Variants in RANBP17 observed in about 807,000 individuals in gnomAD.
The protein encoded by RANBP17 is RAN binding protein 17, also known as ran-binding protein 17.
A neutral mutation model predicts 141.2 loss-of-function variants in RANBP17; 158 were observed. The ratio of observed to expected loss-of-function variants is 1.12; its 90% CI spans 0.98 to 1.28. The LOEUF is 1.28. Among genes scored for constraint, RANBP17 ranks in the 50% most tolerant of loss-of-function variants. RANBP17 has a pLI of 0.00. For missense variants in RANBP17, 1,438 were observed against 1,290.7 expected (o/e 1.11, Z -1.75); for synonymous variants, 430 against 450.0 (o/e 0.96, Z 0.56).
chr5:171,216,941 T>A (rs999283843), intron 21 of RANBP17, among the ~76,000 whole-genome samples: 1 of 152,166 alleles, frequency 6.6e-6, no homozygotes, highest in Non-Finnish European at 1.5e-5. Flanking sequence ...GAACTTCCAG[T>A]ACTTCATTGA....
intron 24 of RANBP17, among the ~76,000 whole-genome samples, chr5:171,246,437 C>T (rs1473030885): frequency 2.0e-5 from 3 of 152,186 alleles, no homozygotes; most frequent in South Asian, 4.1e-4. Context: ...TTTTCCTCCT[C>T]TCTGGTTTAA....
intron 14 of RANBP17, among the ~76,000 whole-genome samples, chr5:171,101,582 T>G (rs1406503493): frequency 6.6e-6 from 1 of 152,250 alleles, no homozygotes; most frequent in African/African-American, 2.4e-5. Flanking sequence ...ATTTGGGCAT[T>G]TAACCCATTT....
chr5:171,036,670 G>A (rs1230117912), intron 14 of RANBP17, among the ~76,000 whole-genome samples: 1 of 151,684 alleles, frequency 6.6e-6, no homozygotes, highest in Non-Finnish European at 1.5e-5. Context: ...GCTACCACTT[G>A]CAAGTAATAA....
intron 14 of RANBP17, among the ~76,000 whole-genome samples, chr5:171,137,912 T>C (rs892130364): frequency 8.0e-5 from 12 of 150,050 alleles, no homozygotes; most frequent in African/African-American, 2.7e-4. Context: ...TAAGTAAATA[T>C]ATATCTACTC....
chr5:171,129,320 A>G (rs1756731192), intron 14 of RANBP17, among the ~76,000 whole-genome samples: 1 of 152,150 alleles, frequency 6.6e-6, no homozygotes, highest in Non-Finnish European at 1.5e-5. Context: ...ATTTGTTGCA[A>G]AAATGCAATC....
At chr5:171,130,596 C>T (rs185053769) in intron 14 of RANBP17, among the ~76,000 whole-genome samples, 191 of 151,898 alleles carry the variant, frequency 1.3e-3, no homozygotes, top group African/African-American at 4.4e-3. Context: ...GCCACCATGC[C>T]TGGCTAATTT....
intron 13 of RANBP17, among the ~76,000 whole-genome samples, chr5:170,959,209 T>A (rs1046078404): frequency 2.0e-5 from 3 of 152,184 alleles, no homozygotes; most frequent in Non-Finnish European, 4.4e-5. Flanking sequence ...ATCAAGACTT[T>A]AATAACTAGC....
intron 25 of RANBP17, among the ~76,000 whole-genome samples, chr5:171,270,998 G>T (rs181852897): frequency 7.0e-6 from 1 of 142,206 alleles, no homozygotes; most frequent in South Asian, 2.3e-4. Context: ...CAACTGTACT[G>T]AAATCCAAAA....
At chr5:171,176,576 A>G (rs907011487) in intron 16 of RANBP17, among the ~76,000 whole-genome samples, 7 of 152,130 alleles carry the variant, frequency 4.6e-5, no homozygotes, top group South Asian at 2.1e-4. Flanking sequence ...ATATTTCTCC[A>G]AAGAGCTTAA....
At chr5:171,130,598 G>A (rs2127788691) in intron 14 of RANBP17, among the ~76,000 whole-genome samples, 1 of 151,598 alleles carries the variant, frequency 6.6e-6, no homozygotes, top group South Asian at 2.1e-4. Flanking sequence ...CACCATGCCT[G>A]GCTAATTTTG....
chr5:170,914,471 C>T (rs1771784914), intron 8 of RANBP17, among the ~76,000 whole-genome samples: 1 of 152,088 alleles, frequency 6.6e-6, no homozygotes, highest in Admixed American at 6.6e-5. Flanking sequence ...GTTGATTTAG[C>T]TCTTGCCCAG....
At chr5:171,211,355 G>A (rs1561767942) in intron 20 of RANBP17, among the ~76,000 whole-genome samples, 1 of 151,866 alleles carries the variant, frequency 6.6e-6, no homozygotes, top group East Asian at 1.9e-4. Context: ...TCCGCCTCCC[G>A]GGTTCAAGCA....
intron 14 of RANBP17, among the ~76,000 whole-genome samples, chr5:171,040,400 T>A (rs1782179956): frequency 1.3e-5 from 2 of 152,196 alleles, no homozygotes; most frequent in South Asian, 4.1e-4. Flanking sequence ...TGTCTTTGTT[T>A]TTACTGCTGG....
intron 13 of RANBP17, among the ~76,000 whole-genome samples, chr5:170,957,107 A>ACACACACACACACACG (rs542213195): frequency 9.3e-5 from 14 of 150,532 alleles, no homozygotes; most frequent in South Asian, 4.3e-4. Context: ...ACACACACAC[A>ACACACACACACACACG]CGCGCACACT....
Position 170,968,236 on chromosome 5 carries a change from A to C in RANBP17, c.1575-6A>C. 1 of 1,544,650 alleles carries C rather than the reference A, an allele frequency of 6.5e-7. No homozygotes were observed. The highest frequency in any genetic ancestry group is 1.4e-5 in the African/African-American group (1 of 71,140). ...AAGGTTTTTTTTTTATTTTCCCTTC[A>C]TGAAGAGTTTTTCAGCTTATATCTT... On this transcript the variant is annotated splice_polypyrimidine_tract_variant and splice_region_variant and intron_variant, in intron 13 of 27. Transcript: ENST00000523189.
chr5:170,896,996 T>G, intron 5 of RANBP17: 1 of 1,094,160 alleles, frequency 9.1e-7, no homozygotes, highest in Admixed American at 2.0e-5. Context: ...TTCTGGGACC[T>G]GGCACTAAGG....
intron 16 of RANBP17, among the ~76,000 whole-genome samples, chr5:171,176,116 T>C (rs562304776): frequency 1.3e-5 from 2 of 152,264 alleles, no homozygotes; most frequent in South Asian, 2.1e-4. Flanking sequence ...TCTCTAAGAT[T>C]ATCCCCTTAA....
chr5:170,981,360 A>G (rs564905958), intron 14 of RANBP17, among the ~76,000 whole-genome samples: 1 of 152,222 alleles, frequency 6.6e-6, no homozygotes, highest in South Asian at 2.1e-4. Flanking sequence ...AGGGGCCAGG[A>G]GTGGAATGAT....
intron 22 of RANBP17, among the ~76,000 whole-genome samples, chr5:171,234,565 T>C (rs1262139943): frequency 1.3e-5 from 2 of 152,296 alleles, no homozygotes; most frequent in East Asian, 3.9e-4. Flanking sequence ...TGATACTGGC[T>C]TTGAACAAAG....
Sources: allele counts gnomAD v4.1 joint callset (sites outside exome capture counted in the v4.1 genomes callset), GRCh38; gene constraint gnomAD v4.1.1; transcripts MANE v1.5; gene names NCBI Gene and HGNC (gene_info 2026-07-23, HGNC 2026-07-21).